BCAS3: variants seen among roughly 807,000 people sequenced by gnomAD.
BCAS3 encodes BCAS3 microtubule associated cell migration factor, also known as BCAS4/BCAS3 fusion.
In BCAS3, 53 loss-of-function variants were observed where a neutral mutation model predicts 116.1. The ratio of observed to expected loss-of-function variants is 0.46; its 90% CI spans 0.37 to 0.57. The LOEUF is 0.57. BCAS3 is among the 20% of genes least tolerant of loss of function. The pLI, the probability that BCAS3 is intolerant of heterozygous loss-of-function variation, is 0.00. For missense variants in BCAS3, 917 were observed against 1,165.4 expected, an observed-to-expected ratio of 0.79 and a Z score of 3.10; for synonymous variants, 391 against 408.2, an observed-to-expected ratio of 0.96 and a Z score of 0.51.
At chr17:60,682,546 A>T (rs1325064719) in intron 2 of BCAS3, among the ~76,000 whole-genome samples, 1 of 152,014 alleles carries the variant, frequency 6.6e-6, no homozygotes, top group Non-Finnish European at 1.5e-5. Context: ...TTTTTGAGAC[A>T]GAGTCTTGCT....
chr17:61,385,476 C>T (rs927767916), intron 23 of BCAS3, among the ~76,000 whole-genome samples: 4 of 152,234 alleles, frequency 2.6e-5, no homozygotes, highest in African/African-American at 9.6e-5. Context: ...CCGCTGGTCT[C>T]CTCTTCACAT....
At chr17:61,358,137 G>A (rs944906574) in intron 22 of BCAS3, among the ~76,000 whole-genome samples, 2 of 151,680 alleles carry the variant, frequency 1.3e-5, no homozygotes, top group Non-Finnish European at 2.9e-5. Context: ...TAAAGTAACA[G>A]AAGAGTCCCC....
At chr17:61,269,320 G>A (rs2050033698) in intron 22 of BCAS3, among the ~76,000 whole-genome samples, 1 of 151,882 alleles carries the variant, frequency 6.6e-6, no homozygotes, top group South Asian at 2.1e-4. Context: ...TCTCCATGTT[G>A]GTCAGGCTGG....
In BCAS3 at chr17:60,825,541, A is replaced by G. The variant is rs112038272; in HGVS notation, c.476+17465A>G. Among the ~76,000 whole-genome samples the G allele has an allele frequency of 2.3e-4, 31 of 136,488 alleles. No homozygotes were observed. The East Asian group carries it at 5.9e-3, about 26-fold the overall frequency. The allele number at this position is 136,488 out of a possible 152,430, so 89.5% of individuals were successfully genotyped here. A position where few individuals can be genotyped will look rare whatever the true frequency, so the allele number is the denominator to read the frequency against. Reference sequence around the variant, plus strand: ...TTTATAAATATTATAATAATTTATAAATAATTATTTATAATAATTTATAAA... The same window carrying G: ...TTTATAAATATTATAATAATTTATAGATAATTATTTATAATAATTTATAAA... On this transcript the variant is annotated intron_variant, in intron 7 of 23. Transcript: ENST00000407086.
chr17:60,734,074 T>C (rs2144179532), intron 5 of BCAS3, among the ~76,000 whole-genome samples: 1 of 152,126 alleles, frequency 6.6e-6, no homozygotes, highest in East Asian at 1.9e-4. Context: ...AAGTCATCAC[T>C]ATACCCAGTA....
At position 60,743,529 on chromosome 17, in the gene BCAS3, T is replaced by C. The variant is rs560155640; in HGVS notation, c.322-3669T>C. Among the ~76,000 whole-genome samples, 190 of 152,218 alleles carry C rather than the reference T, an allele frequency of 1.2e-3. 1 individual carries two copies. Among genetic ancestry groups the C allele is most frequent in the Non-Finnish European group, 1.7e-3 (116 of 67,998 alleles). On this transcript the variant is annotated intron_variant, in intron 5 of 23. Coordinates refer to ENST00000407086, the MANE Select transcript of BCAS3 (RefSeq NM_017679.5). Reference sequence around the variant, plus strand: ...GTTTGCTAAAAAAAAAAAAAATCATTTGTGGACCACAAACATCCATTTAAC... The same window carrying C: ...GTTTGCTAAAAAAAAAAAAAATCATCTGTGGACCACAAACATCCATTTAAC...
intron 6 of BCAS3, among the ~76,000 whole-genome samples, chr17:60,799,708 CTTTTTT>C (rs67510415): frequency 3.4e-3 from 170 of 49,830 alleles, no homozygotes; most frequent in African/African-American, 0.013. Flanking sequence ...TTTTTCTTTT[CTTTTTT>C]TTTTTTTTTT....
Position 61,347,916 on chromosome 17 carries a change from G to A in BCAS3, c.2426-20411G>A, listed in dbSNP as rs1305973885. 6.6e-6 allele frequency among the ~76,000 whole-genome samples: 1 copy of A among 152,232 alleles called. No individual in the cohort carries two copies. The highest frequency in any genetic ancestry group is 1.5e-5 in the Non-Finnish European group (1 of 68,046). On this transcript the variant is annotated intron_variant, in intron 22 of 23. Coordinates refer to ENST00000407086, the MANE Select transcript of BCAS3 (RefSeq NM_017679.5). This position sits in a 1 kb window ranked among gnomAD's most constrained non-coding sequence, Gnocchi z 4.3. ...GGGTGTAGCGTTCAGAGTCTGGAAA[G>A]CTGCTAGAGGCCAGATGATAGACAG...
chr17:60,824,079 T>C (rs2050180121), intron 7 of BCAS3, among the ~76,000 whole-genome samples: 1 of 152,216 alleles, frequency 6.6e-6, no homozygotes, highest in African/African-American at 2.4e-5. Context: ...GTGTTAGTAT[T>C]CAATTCATTT....
At chr17:60,874,294 C>A (rs899841000) in intron 8 of BCAS3, among the ~76,000 whole-genome samples, 1 of 151,296 alleles carries the variant, frequency 6.6e-6, no homozygotes, top group Non-Finnish European at 1.5e-5. Context: ...CTGGTCTCAA[C>A]CTCCTGGGCT....
At chr17:61,049,554 C>G (rs2068646902) in intron 19 of BCAS3, among the ~76,000 whole-genome samples, 1 of 151,290 alleles carries the variant, frequency 6.6e-6, no homozygotes, top group Admixed American at 6.6e-5. Flanking sequence ...AGAAAAAGGT[C>G]AGTAAATCCC....
At chr17:60,753,465 A>G (rs2042688615) in intron 6 of BCAS3, among the ~76,000 whole-genome samples, 1 of 151,182 alleles carries the variant, frequency 6.6e-6, no homozygotes. Context: ...GCTGGAGTGC[A>G]GTGGCTCGAC....
chr17:60,799,965 A>G (rs2047621160), intron 6 of BCAS3, among the ~76,000 whole-genome samples: 1 of 151,918 alleles, frequency 6.6e-6, no homozygotes, highest in South Asian at 2.1e-4. Context: ...ATTTCCTGGT[A>G]TGGATGTACC....
chr17:60,683,311 G>T (rs1322514678), intron 2 of BCAS3, among the ~76,000 whole-genome samples: 2 of 152,014 alleles, frequency 1.3e-5, no homozygotes, highest in Non-Finnish European at 2.9e-5. Context: ...CAAGAGGAAG[G>T]TCCTACCTTA....
chr17:60,963,601 G>C (rs1347425182), intron 14 of BCAS3, among the ~76,000 whole-genome samples: 6 of 149,698 alleles, frequency 4.0e-5, no homozygotes, highest in Non-Finnish European at 1.5e-5. Context: ...TGTCGCCCAG[G>C]CTGGAGTGCA....
At chr17:61,001,807 A>G (rs1389159487) in intron 15 of BCAS3, among the ~76,000 whole-genome samples, 1 of 152,068 alleles carries the variant, frequency 6.6e-6, no homozygotes, top group Non-Finnish European at 1.5e-5. Context: ...AAATTCTTTT[A>G]TCACCTTTTT....
At chr17:60,944,426 G>A (rs559636123) in intron 13 of BCAS3, among the ~76,000 whole-genome samples, 53 of 152,120 alleles carry the variant, frequency 3.5e-4, no homozygotes, top group Non-Finnish European at 6.8e-4. Flanking sequence ...ATTTTTACTT[G>A]AAAATTCCCT....
At chr17:61,177,230 G>A (rs1174169313) in intron 22 of BCAS3, among the ~76,000 whole-genome samples, 4 of 152,146 alleles carry the variant, frequency 2.6e-5, no homozygotes, top group African/African-American at 9.7e-5. Flanking sequence ...GAAGGCATTT[G>A]TCCATATAAG....
At chr17:60,846,064 G>A (rs2052502800) in intron 7 of BCAS3, among the ~76,000 whole-genome samples, 1 of 151,804 alleles carries the variant, frequency 6.6e-6, no homozygotes, top group Non-Finnish European at 1.5e-5. Flanking sequence ...GAGTAGCTGG[G>A]ACCGTAGACA....
Sources: allele counts gnomAD v4.1 joint callset (sites outside exome capture counted in the v4.1 genomes callset), GRCh38; gene constraint gnomAD v4.1.1; non-coding constraint Gnocchi (gnomAD v3.1); transcripts MANE v1.5; gene names NCBI Gene and HGNC (gene_info 2026-07-23, HGNC 2026-07-21).